SLIT2: variants seen among roughly 807,000 people sequenced by gnomAD.
SLIT2 encodes slit guidance ligand 2.
A neutral mutation model predicts 185.7 loss-of-function variants in SLIT2; 41 were observed. The observed-to-expected ratio is 0.22, with a 90% confidence interval of 0.17 to 0.29. The LOEUF (loss-of-function observed/expected upper bound fraction) is 0.29. Ranked by LOEUF, SLIT2 falls within the 10% of genes least tolerant of loss-of-function variation. SLIT2 has a pLI of 1.00. For synonymous variants in SLIT2, 693 were observed against 680.2 expected (o/e 1.02, Z -0.29); for missense variants, 1,571 against 1,909.0 (o/e 0.82, Z 3.30).
In SLIT2 at chr4:20,290,349, TA is replaced by T. The variant is rs1166647049; in HGVS notation, c.395+21474del. On this transcript the variant is annotated intron_variant, in intron 4 of 36. Transcript: ENST00000504154. ...TGAAAAAGAAATGAAAAATAACCAT[TA>T]AAAAATACAAACCAAAAACTATACA... is the stretch of plus-strand genomic sequence containing the variant. 3.9e-5 allele frequency among the ~76,000 whole-genome samples: 6 copies of T among 152,106 alleles called. No homozygotes were observed. The East Asian group carries it at 1.2e-3, about 29-fold the overall frequency.
chr4:20,329,313 AGAT>A (rs1719871641), intron 4 of SLIT2, among the ~76,000 whole-genome samples: 1 of 151,972 alleles, frequency 6.6e-6, no homozygotes, highest in African/African-American at 2.4e-5. Flanking sequence ...TATTATAATA[AGAT>A]GATTATATTA....
At chr4:20,567,968 T>C (rs972147692) in intron 28 of SLIT2, among the ~76,000 whole-genome samples, 1 of 152,082 alleles carries the variant, frequency 6.6e-6, no homozygotes, top group African/African-American at 2.4e-5. Context: ...ATCTGTTGTT[T>C]TGCTTATTGC....
At chr4:20,459,190 A>G (rs961857872) in intron 4 of SLIT2, among the ~76,000 whole-genome samples, 8 of 152,162 alleles carry the variant, frequency 5.3e-5, no homozygotes, top group Non-Finnish European at 7.4e-5. Context: ...AAAAAACCTC[A>G]TTAATACATC....
At chr4:20,467,575 A>G (rs1264634405) in intron 4 of SLIT2, among the ~76,000 whole-genome samples, 177 bp from the exon 5 acceptor site, 1 of 148,762 alleles carries the variant, frequency 6.7e-6, no homozygotes, top group South Asian at 2.1e-4. Context: ...TTTAATTTAT[A>G]TTAGAAATAT....
rs965072951 is a variant in SLIT2 at position 20,490,990 on chromosome 4, C to T, written c.776-771C>T. Among the ~76,000 whole-genome samples the T allele has an allele frequency of 2.0e-5, 3 of 152,232 alleles. No individual in the cohort carries two copies. The South Asian group carries it at 6.2e-4, about 32-fold the overall frequency. On this transcript the variant is annotated intron_variant, in intron 8 of 36. Transcript: ENST00000504154. ...ACTGTCTTCCAGAAACCATGCATGTCCAGATGCTTATTTAATACAACTGTG... is the reference window on the plus strand; with the variant it reads ...ACTGTCTTCCAGAAACCATGCATGTTCAGATGCTTATTTAATACAACTGTG...
intron 4 of SLIT2, among the ~76,000 whole-genome samples, chr4:20,315,536 ATATT>A (rs1718499775): frequency 1.3e-5 from 2 of 152,210 alleles, no homozygotes; most frequent in South Asian, 2.1e-4. Context: ...CAAATTGTAA[ATATT>A]TATCACTTCA....
chr4:20,541,276 A>C (rs1722778732), intron 19 of SLIT2, among the ~76,000 whole-genome samples, 177 bp from the exon 20 acceptor site: 2 of 143,920 alleles, frequency 1.4e-5, no homozygotes, highest in African/African-American at 2.6e-5. Flanking sequence ...ATATTTTATC[A>C]AAAAAAAAAT....
At position 20,480,902 on chromosome 4, in the gene SLIT2, A is replaced by C. The variant is rs1346198242; in HGVS notation, c.539+115A>C. On this transcript the variant is annotated intron_variant, in intron 6 of 36. Transcript: ENST00000504154. ...TGTTGTCAAAATAGTCTCTCAAGAG[A>C]TACCTTAAATAACTCATGGTGAATA... The C allele has an allele frequency of 5.3e-6, 4 of 748,224 alleles. No homozygotes were observed. The Admixed American group carries it at 8.4e-5, about 16-fold the overall frequency. The allele number at this position is 748,224 out of a possible 1,614,324, so 46.3% of individuals were successfully genotyped here. A position where few individuals can be genotyped will look rare whatever the true frequency, so the allele number is the denominator to read the frequency against.
At chr4:20,375,432 G>T (rs1338945965) in intron 4 of SLIT2, among the ~76,000 whole-genome samples, 1 of 151,924 alleles carries the variant, frequency 6.6e-6, no homozygotes, top group Non-Finnish European at 1.5e-5. Context: ...TATAAATAGA[G>T]GCCTGAAAAT....
At chr4:20,472,335 GA>G (rs1715281124) in intron 5 of SLIT2, among the ~76,000 whole-genome samples, 3 of 13,780 alleles carry the variant, frequency 2.2e-4, no homozygotes, top group African/African-American at 1.1e-3. Context: ...TCTATATATA[GA>G]TCTATATATA....
intron 5 of SLIT2, among the ~76,000 whole-genome samples, chr4:20,472,236 A>G (rs1237922014): frequency 3.9e-5 from 2 of 51,842 alleles, no homozygotes; most frequent in East Asian, 1.2e-3. Context: ...ATATATATAG[A>G]TCTATATATC....
intron 4 of SLIT2, among the ~76,000 whole-genome samples, chr4:20,345,108 A>G (rs1009064069): frequency 2.6e-5 from 4 of 152,238 alleles, no homozygotes; most frequent in African/African-American, 7.2e-5. Context: ...ACAAATATCT[A>G]TGTTTTAAAT....
chr4:20,291,904 C>CTG (rs35335088), intron 4 of SLIT2, among the ~76,000 whole-genome samples: 16,242 of 146,794 alleles, frequency 0.11, 929 homozygotes, highest in South Asian at 0.18. Flanking sequence ...CTGCACACCT[C>CTG]TGTGTGTGTG....
intron 4 of SLIT2, among the ~76,000 whole-genome samples, chr4:20,413,569 G>A (rs2109436502): frequency 6.6e-6 from 1 of 152,018 alleles, no homozygotes; most frequent in African/African-American, 2.4e-5. Context: ...TTTATAAATT[G>A]TTTATCTCTC....
intron 4 of SLIT2, among the ~76,000 whole-genome samples, chr4:20,297,425 T>C (rs2109097092): frequency 6.6e-6 from 1 of 152,316 alleles, no homozygotes; most frequent in Middle Eastern, 3.4e-3. Flanking sequence ...TTTTCCCCCC[T>C]TCCACTTGAA....
At chr4:20,459,448 T>G (rs1713456361) in intron 4 of SLIT2, among the ~76,000 whole-genome samples, 2 of 152,186 alleles carry the variant, frequency 1.3e-5, no homozygotes, top group East Asian at 3.8e-4. Flanking sequence ...ACAGCAGACT[T>G]TCTCACTTGC....
intron 29 of SLIT2, among the ~76,000 whole-genome samples, chr4:20,581,282 AC>A (rs1424238734): frequency 1.3e-5 from 2 of 152,244 alleles, no homozygotes; most frequent in East Asian, 3.9e-4. Context: ...TTTTGATAAC[AC>A]AAGCCATATT....
intron 4 of SLIT2, among the ~76,000 whole-genome samples, chr4:20,360,617 AATGGTAT>A (rs145075037): frequency 0.21 from 31,379 of 152,070 alleles, 3,575 homozygotes; most frequent in Non-Finnish European, 0.27. Flanking sequence ...AATTAAATAA[AATGGTAT>A]ACGTTAAAAT....
At chr4:20,338,842 A>G (rs1720725268) in intron 4 of SLIT2, among the ~76,000 whole-genome samples, 1 of 152,086 alleles carries the variant, frequency 6.6e-6, no homozygotes, top group African/African-American at 2.4e-5. Flanking sequence ...GAATCCCACC[A>G]CTTTGGGAGG....
Sources: allele counts gnomAD v4.1 joint callset (sites outside exome capture counted in the v4.1 genomes callset), GRCh38; gene constraint gnomAD v4.1.1; transcripts MANE v1.5; gene names NCBI Gene and HGNC (gene_info 2026-07-23, HGNC 2026-07-21).